SAMHD1: variants seen among roughly 807,000 people sequenced by gnomAD.
The protein encoded by SAMHD1 is deoxynucleoside triphosphate triphosphohydrolase SAMHD1.
SAMHD1 carries 54 observed loss-of-function variants against 79.6 expected under a neutral mutation model. That is an observed-to-expected ratio of 0.68 (90% CI 0.55 to 0.85). SAMHD1 has a LOEUF of 0.85. SAMHD1 is among the 40% of genes least tolerant of loss of function. The pLI is 0.00. For synonymous variants in SAMHD1, 260 were observed against 264.1 expected (o/e 0.98, Z 0.15); for missense variants, 663 against 782.7 (o/e 0.85, Z 1.82).
At chr20:36,930,717 G>A (rs1345305121) in intron 5 of SAMHD1, 43 bp downstream of exon 5, 3 of 1,317,740 alleles carry the variant, frequency 2.3e-6, no homozygotes, top group Non-Finnish European at 3.3e-6. Context: ...GGTAACATAT[G>A]TTATGATTTT....
chr20:36,916,395 GC>G, intron 9 of SAMHD1: 2 of 326,236 alleles, frequency 6.1e-6, no homozygotes, highest in Middle Eastern at 2.2e-3. Context: ...TACTTGGGAG[GC>G]TGAGGAGGGA....
chr20:36,905,642 A>G (rs1210362040), intron 11 of SAMHD1, 139 bp from the exon 12 acceptor site: 1 of 796,326 alleles, frequency 1.3e-6, no homozygotes, highest in Non-Finnish European at 2.0e-6. Context: ...TGTGAGAAAA[A>G]TTTTTAAAAG....
intron 3 of SAMHD1, among the ~76,000 whole-genome samples, chr20:36,939,306 G>A (rs955317904): frequency 7.6e-5 from 11 of 145,188 alleles, no homozygotes; most frequent in Non-Finnish European, 1.4e-4. Context: ...GAAAATAACC[G>A]GGTAGGCCAG....
chr20:36,912,751 ATT>A (rs66970329), intron 9 of SAMHD1, among the ~76,000 whole-genome samples, 199 bp from the exon 10 acceptor site: 4 of 107,036 alleles, frequency 3.7e-5, no homozygotes, highest in African/African-American at 6.9e-5. Context: ...TGCAACTTTC[ATT>A]TTTTTTTTTT....
chr20:36,921,703 GTT>G (rs71186090), intron 6 of SAMHD1, among the ~76,000 whole-genome samples: 6 of 139,158 alleles, frequency 4.3e-5, no homozygotes, highest in Non-Finnish European at 6.3e-5. Context: ...TTTTGTGGTT[GTT>G]TTTTTTTTTT....
chr20:36,943,864 G>A (rs2063664449), intron 2 of SAMHD1, among the ~76,000 whole-genome samples: 1 of 152,012 alleles, frequency 6.6e-6, no homozygotes. Context: ...CAGATCATGA[G>A]GTCGGGAGTT....
chr20:36,893,412 T>C lies in SAMHD1; in HGVS notation c.1747-346A>G, dbSNP rs1990128756. The C allele has an allele frequency of 1.1e-5, 4 of 377,582 alleles. No homozygotes were observed. In the Admixed American group the frequency reaches 1.7e-4, roughly 16 times the overall value. The allele number at this position is 377,582 out of a possible 1,614,324, so 23.4% of individuals were successfully genotyped here. ...AGAAAGACGGGATGCACTGAACCCC[T>C]AGCTTCTCTCTCGCCTGGTCCCCTC... On this transcript the variant is annotated intron_variant, in intron 15 of 15. Transcript: ENST00000646673.
chr20:36,915,641 G>A (rs991546527), intron 9 of SAMHD1, among the ~76,000 whole-genome samples: 3 of 151,790 alleles, frequency 2.0e-5, no homozygotes, highest in Admixed American at 2.0e-4. Flanking sequence ...CAAGGCTGAG[G>A]CAGAAAAATC....
At chr20:36,944,105 G>T (rs2063667307) in intron 2 of SAMHD1, among the ~76,000 whole-genome samples, 1 of 139,846 alleles carries the variant, frequency 7.2e-6, no homozygotes, top group African/African-American at 2.7e-5. Flanking sequence ...AAAGAACTTT[G>T]GGAGGCCTGA....
rs771148482 is a variant in SAMHD1 at position 36,930,851 on chromosome 20, T to G, written c.534A>C (p.Leu178=). The change falls in exon 5 of 16, where the codon CTA becomes CTC. Residue 178 remains leucine (L), a synonymous_variant. Transcript: ENST00000646673. The part of the protein sequence containing the change: ...SLGVGYLAGC[L]VHALGEKQPE... ...GTTGTTTTTCACCCAGTGCGTGAAC[T>G]AGACATCCTGCTAGATACCCCACCC... 2.5e-6 allele frequency: 4 copies of G among 1,613,610 alleles called. No homozygotes were observed. The African/African-American group carries it at 5.3e-5, about 22-fold the overall frequency.
At chr20:36,911,651 C>T (rs2063441427) in intron 10 of SAMHD1, 3 of 264,406 alleles carry the variant, frequency 1.1e-5, no homozygotes, top group Non-Finnish European at 2.2e-5. Flanking sequence ...TAGGAAGAAA[C>T]AGTGCCAGGC....
chr20:36,948,723 C>T (rs972989187), intron 1 of SAMHD1, among the ~76,000 whole-genome samples: 7 of 118,130 alleles, frequency 5.9e-5, no homozygotes, highest in Non-Finnish European at 8.7e-5. Context: ...AAAAATTAGC[C>T]AGGTGTGGTG....
chr20:36,925,493 G>A (rs1018018188), intron 6 of SAMHD1, among the ~76,000 whole-genome samples: 31 of 152,218 alleles, frequency 2.0e-4, no homozygotes, highest in African/African-American at 7.5e-4. Flanking sequence ...TTACTGGCTT[G>A]CAGAACCAGA....
chr20:36,897,702 T>C, intron 15 of SAMHD1, 120 bp downstream of exon 15: 1 of 1,153,718 alleles, frequency 8.7e-7, no homozygotes, highest in Non-Finnish European at 1.3e-6. Context: ...AGACCTTATT[T>C]TCAAAACCAT....
intron 6 of SAMHD1, 24 bp from the exon 7 acceptor site, chr20:36,919,543 A>G (rs1395735760): frequency 1.9e-5 from 30 of 1,611,380 alleles, no homozygotes; most frequent in Non-Finnish European, 2.5e-5. Flanking sequence ...GCACAATATG[A>G]TGTGTTAAAG....
At position 36,951,377 on chromosome 20, in the gene SAMHD1, C is replaced by G. The variant is rs1052097614; in HGVS notation, c.208+59G>C. 101 of 1,605,132 alleles carry G rather than the reference C, an allele frequency of 6.3e-5. No individual in the cohort carries two copies. The African/African-American group carries it at 1.3e-3, about 20-fold the overall frequency. The stretch of plus-strand genomic sequence containing the variant: ...TCTCGTGGGGCCCCCTCCCTCAGGG[C>G]GCCTGGCCCGCGCCCCAGGTCGCCG... On this transcript the variant is annotated intron_variant, in intron 1 of 15. Coordinates refer to ENST00000646673, the MANE Select transcript of SAMHD1 (RefSeq NM_015474.4).
In SAMHD1 at chr20:36,910,416, A is replaced by T. The variant is rs553289270; in HGVS notation, c.1270+802T>A. Reference sequence around the variant, plus strand: ...AAATCTTGTCTGAAAATAAATAAATAAAAAAAAATTAAATTTAAAAGTTAA... The same window carrying T: ...AAATCTTGTCTGAAAATAAATAAATTAAAAAAAATTAAATTTAAAAGTTAA... On this transcript the variant is annotated intron_variant, in intron 11 of 15. Transcript: ENST00000646673. 6.2e-4 allele frequency among the ~76,000 whole-genome samples: 94 copies of T among 151,082 alleles called. 1 individual carries two copies. In the South Asian group the frequency reaches 8.0e-3, roughly 13 times the overall value.
rs1990106911 is a variant in SAMHD1 at position 36,892,769 on chromosome 20, C to T, written c.*163G>A. 3.4e-6 allele frequency: 3 copies of T among 871,848 alleles called. No homozygotes were observed. The highest frequency in any genetic ancestry group is 5.8e-6 in the Non-Finnish European group (3 of 518,916). 54.0% of individuals were successfully genotyped at this position (871,848 alleles called of 1,614,324 possible). A position where few individuals can be genotyped will look rare whatever the true frequency, so the allele number is the denominator to read the frequency against. Reference sequence around the variant, plus strand: ...ATAGTATAGTAAGATTTGCCTAATACCATCTTATTTCTTTGATTAAAAGTT... The same window carrying T: ...ATAGTATAGTAAGATTTGCCTAATATCATCTTATTTCTTTGATTAAAAGTT... On this transcript the variant is annotated 3_prime_UTR_variant, in exon 16 of 16. Transcript: ENST00000646673.
At chr20:36,942,558 G>T (rs1294737760) in intron 2 of SAMHD1, among the ~76,000 whole-genome samples, 1 of 152,148 alleles carries the variant, frequency 6.6e-6, no homozygotes, top group African/African-American at 2.4e-5. Flanking sequence ...TCTAGATTAT[G>T]AAAGAATTTT....
Sources: allele counts gnomAD v4.1 joint callset (sites outside exome capture counted in the v4.1 genomes callset), GRCh38; gene constraint gnomAD v4.1.1; transcripts MANE v1.5; gene names NCBI Gene and HGNC (gene_info 2026-07-23, HGNC 2026-07-21).